The following USP33 variants were observed in gnomAD, a reference collection of about 807,000 sequenced individuals.
USP33 encodes the protein ubiquitin carboxyl-terminal hydrolase 33.
A neutral mutation model predicts 124.2 loss-of-function variants in USP33; 46 were observed. The observed-to-expected ratio is 0.37, with a 90% CI of 0.29 to 0.47. The LOEUF (loss-of-function observed/expected upper bound fraction) is 0.47. Among genes scored for constraint, USP33 ranks in the 20% least tolerant of loss-of-function variants. The pLI is 0.99. For missense variants in USP33, 851 were observed against 1,070.6 expected (o/e 0.79, Z 2.86); for synonymous variants, 350 against 352.3 (o/e 0.99, Z 0.07).
intron 1 of USP33, among the ~76,000 whole-genome samples, chr1:77,755,560 T>C (rs1570883791): frequency 6.6e-6 from 1 of 152,304 alleles, no homozygotes; most frequent in Non-Finnish European, 1.5e-5. Context: ...TAGCTGGGTA[T>C]GGTGGCGTGC....
chr1:77,721,404 CA>C (rs1274909398), intron 14 of USP33, 199 bp from the exon 15 acceptor site: 18 of 596,452 alleles, frequency 3.0e-5, no homozygotes, highest in Non-Finnish European at 4.7e-5. Context: ...AGACCTACCT[CA>C]AATAATATCT....
rs1190645412 is a variant in USP33, at chr1:77,697,610, C to T, written c.2579-136G>A. On this transcript the variant is annotated intron_variant, in intron 23 of 23. Coordinates refer to ENST00000370794, the MANE Select transcript of USP33 (RefSeq NM_201624.3). ...GGAACATGAATCTGCAGACTACCAG[C>T]CCATATTGTTATAAGCTGAAACATA... is the stretch of plus-strand genomic sequence containing the variant. 3.6e-6 allele frequency: 4 copies of T among 1,100,152 alleles called. No homozygotes were observed. The African/African-American group carries it at 4.8e-5, about 13-fold the overall frequency. The allele number at this position is 1,100,152 out of a possible 1,614,324, so 68.1% of individuals were successfully genotyped here.
intron 1 of USP33, among the ~76,000 whole-genome samples, chr1:77,747,995 T>C (rs895949854): frequency 1.3e-5 from 2 of 152,362 alleles, no homozygotes; most frequent in Non-Finnish European, 2.9e-5. Flanking sequence ...TTACAGAGGC[T>C]AGATACAATA....
chr1:77,704,691 C>A (rs1674420140), intron 21 of USP33, among the ~76,000 whole-genome samples: 1 of 152,206 alleles, frequency 6.6e-6, no homozygotes, highest in Admixed American at 6.5e-5. Context: ...TTGTGCTTCA[C>A]CTTAGAAGAA....
intron 7 of USP33, 36 bp downstream of exon 7, chr1:77,734,311 T>G (rs749062544): frequency 2.2e-5 from 33 of 1,469,894 alleles, no homozygotes; most frequent in Admixed American, 6.5e-5. Context: ...ACTTAAAAAA[T>G]TATACAAATA....
Position 77,726,640 on chromosome 1 carries a change from T to C in USP33, c.1136-878A>G, listed in dbSNP as rs529563388. Among the ~76,000 whole-genome samples, 986 of 130,980 alleles carry C rather than the reference T, an allele frequency of 7.5e-3. 14 individuals are homozygous for C. Among genetic ancestry groups the C allele is most frequent in the African/African-American group, 0.031 (915 of 29,646 alleles). 85.9% of individuals were successfully genotyped at this position (130,980 alleles called of 152,430 possible). A position where few individuals can be genotyped will look rare whatever the true frequency, so the allele number is the denominator to read the frequency against. On this transcript the variant is annotated intron_variant, in intron 10 of 23. Transcript: ENST00000370794. ...CAGCCTGGGTGACAGAATGAGACCC[T>C]GTTTCAGGAAAAAAAAAAAAAAAGA...
chr1:77,736,027 C>T, intron 6 of USP33, 29 bp downstream of exon 6: 1 of 1,516,908 alleles, frequency 6.6e-7, no homozygotes, highest in Non-Finnish European at 9.0e-7. Flanking sequence ...CAGTGCCATA[C>T]AAAGAAGCGT....
At chr1:77,759,192 A>G (rs1681086755) in intron 1 of USP33, among the ~76,000 whole-genome samples, 1 of 152,140 alleles carries the variant, frequency 6.6e-6, no homozygotes, top group South Asian at 2.1e-4. Flanking sequence ...TCACAACAAC[A>G]AACAACGGGG....
chr1:77,728,198 A>G lies in USP33; in HGVS notation c.1135+97T>C, dbSNP rs79810155. 5.1e-3 allele frequency: 6,757 copies of G among 1,314,348 alleles called. 234 individuals are homozygous for G. In the African/African-American group the frequency reaches 0.09, roughly 18 times the overall value. 81.4% of individuals were successfully genotyped at this position (1,314,348 alleles called of 1,614,324 possible). On this transcript the variant is annotated intron_variant, in intron 10 of 23. Transcript: ENST00000370794. Reference sequence around the variant, plus strand: ...TCACATGCAAATACTGCTAAACTATAATTCTAATTAGAAATACCCAAAGTA... The same window carrying G: ...TCACATGCAAATACTGCTAAACTATGATTCTAATTAGAAATACCCAAAGTA...
At chr1:77,728,861 G>C in intron 9 of USP33, 149 bp from the exon 10 acceptor site, 1 of 810,946 alleles carries the variant, frequency 1.2e-6, no homozygotes, top group South Asian at 2.0e-5. Flanking sequence ...TAAGGCACTA[G>C]ATAAATGAGA....
At chr1:77,748,035 T>C (rs1260170769) in intron 1 of USP33, among the ~76,000 whole-genome samples, 4 of 152,220 alleles carry the variant, frequency 2.6e-5, no homozygotes, top group African/African-American at 9.6e-5. Context: ...ACCTCCTCAC[T>C]AATCCTTTTC....
chr1:77,726,868 A>G (rs935160391), intron 10 of USP33, among the ~76,000 whole-genome samples: 2 of 151,920 alleles, frequency 1.3e-5, no homozygotes, highest in African/African-American at 4.9e-5. Flanking sequence ...TCAAGAAAAT[A>G]TAAGAGCTAC....
rs944057619 is a variant in USP33 at position 77,697,276 on chromosome 1, A to G, written c.*41T>C. The G allele has an allele frequency of 1.9e-5, 30 of 1,538,854 alleles. No individual in the cohort carries two copies. Among genetic ancestry groups the G allele is most frequent in the Non-Finnish European group, 2.3e-5 (26 of 1,142,600 alleles). ...TTCGCATGTGTACATGTCAGGGCAC[A>G]TGAAAATGATTCCTCATTAGAACTC... On this transcript the variant is annotated 3_prime_UTR_variant, in exon 24 of 24. Coordinates refer to ENST00000370794, the MANE Select transcript of USP33 (RefSeq NM_201624.3).
chr1:77,703,151 C>T (rs150572282), intron 21 of USP33, among the ~76,000 whole-genome samples: 20 of 152,268 alleles, frequency 1.3e-4, no homozygotes, highest in African/African-American at 4.8e-4. Flanking sequence ...CCTCATTTTT[C>T]ACTGGTGATC....
chr1:77,699,516 C>A (rs1453558057), intron 22 of USP33, among the ~76,000 whole-genome samples: 2 of 151,100 alleles, frequency 1.3e-5, no homozygotes, highest in Non-Finnish European at 3.0e-5. Context: ...GCCTCTTTTT[C>A]AAAAAAAAGA....
At chr1:77,729,678 A>G (rs999998819) in intron 9 of USP33, among the ~76,000 whole-genome samples, 182 bp downstream of exon 9, 7 of 152,166 alleles carry the variant, frequency 4.6e-5, no homozygotes, top group Admixed American at 3.9e-4. Flanking sequence ...CTCAAAAAAA[A>G]GATAAAGATA....
At chr1:77,720,040 G>T (rs1159865312) in intron 15 of USP33, among the ~76,000 whole-genome samples, 1 of 151,298 alleles carries the variant, frequency 6.6e-6, no homozygotes, top group Non-Finnish European at 1.5e-5. Flanking sequence ...TGCATCTGTA[G>T]TCCCAGCTAC....
chr1:77,723,965 G>GT (rs963989481), intron 11 of USP33, among the ~76,000 whole-genome samples: 99 of 146,082 alleles, frequency 6.8e-4, no homozygotes, highest in Middle Eastern at 3.5e-3. Context: ...CACCCAGCCT[G>GT]TTTTTTTTTT....
rs765556822 is a variant in USP33, at chr1:77,701,435, T to C, written c.2443A>G (p.Thr815Ala). ...RAFQKEDSPA[T>A]FYCISMQWFR... ...CACTGCATACTGATGCAATAAAAAG[T>C]AGCTGGAGAGTCCTCTTTTTGGAAC... The change falls in exon 22 of 24, where the codon ACT (threonine) becomes GCT (alanine). Residue 815 changes from threonine (T) to alanine (A), a missense_variant. By Grantham distance (58) the Thr-to-Ala change is moderately conservative (BLOSUM62 0). Transcript: ENST00000370794. 84 of 1,613,270 alleles carry C rather than the reference T, an allele frequency of 5.2e-5. No individual in the cohort carries two copies. In the Admixed American group the frequency reaches 8.5e-4, roughly 16 times the overall value.
Sources: allele counts gnomAD v4.1 joint callset (sites outside exome capture counted in the v4.1 genomes callset), GRCh38; gene constraint gnomAD v4.1.1; transcripts MANE v1.5; gene names NCBI Gene and HGNC (gene_info 2026-07-23, HGNC 2026-07-21).